ALK: variants seen among roughly 807,000 people sequenced by gnomAD.
The protein encoded by ALK is ALK tyrosine kinase receptor.
In ALK, 74 loss-of-function variants were observed where a neutral mutation model predicts 163.1. That is an observed-to-expected ratio of 0.45 (90% CI 0.38 to 0.55). The LOEUF is 0.55. ALK is among the 20% of genes least tolerant of loss of function. The probability of loss-of-function intolerance (pLI) is 0.00; values close to 1 mark genes in which losing one functional copy is unlikely to be tolerated. For missense variants in ALK, 2,063 were observed against 2,105.3 expected, an observed-to-expected ratio of 0.98 and a Z score of 0.39; for synonymous variants, 960 against 843.2, an observed-to-expected ratio of 1.14 and a Z score of -2.40.
At position 29,548,248 on chromosome 2, in the gene ALK, C is replaced by T. The variant is rs143893883; in HGVS notation, c.953-16132G>A. 9.5e-3 allele frequency among the ~76,000 whole-genome samples: 1,451 copies of T among 152,162 alleles called. 21 individuals carry two copies. Among genetic ancestry groups the T allele is most frequent in the African/African-American group, 0.033 (1,372 of 41,506 alleles). On this transcript the variant is annotated intron_variant, in intron 3 of 28. Transcript: ENST00000389048. ...CAGCACTTTGGGAGGCCAAGGCAGA[C>T]GGATCACGAGGTCAGGAGACTGGGA...
intron 4 of ALK, among the ~76,000 whole-genome samples, chr2:29,425,259 T>C (rs1453531961): frequency 1.3e-5 from 2 of 152,068 alleles, no homozygotes; most frequent in African/African-American, 4.8e-5. Flanking sequence ...CCCTCCCGGC[T>C]CAATATAATG....
intron 3 of ALK, among the ~76,000 whole-genome samples, chr2:29,687,237 C>T (rs1412950218): frequency 1.3e-5 from 2 of 151,896 alleles, no homozygotes; most frequent in Non-Finnish European, 2.9e-5. Flanking sequence ...GCCTGCTGCA[C>T]ACTTATTTTC....
intron 5 of ALK, among the ~76,000 whole-genome samples, chr2:29,381,374 T>C (rs1339430564): frequency 6.6e-6 from 1 of 152,270 alleles, no homozygotes; most frequent in East Asian, 1.9e-4. Flanking sequence ...TGTCACACAC[T>C]GTGATAAGTG....
intron 2 of ALK, among the ~76,000 whole-genome samples, chr2:29,716,027 G>A (rs960922318): frequency 5.3e-5 from 8 of 152,112 alleles, no homozygotes; most frequent in South Asian, 2.1e-4. Flanking sequence ...AACCAAGAGC[G>A]TTATAGATGA....
At chr2:29,886,930 G>C (rs1040093269) in intron 1 of ALK, among the ~76,000 whole-genome samples, 2 of 152,198 alleles carry the variant, frequency 1.3e-5, no homozygotes, top group East Asian at 3.9e-4. Flanking sequence ...AAGACTGAAT[G>C]AGGAACATTC....
chr2:29,531,138 C>G (rs1271764213), intron 4 of ALK, among the ~76,000 whole-genome samples: 6 of 152,200 alleles, frequency 3.9e-5, no homozygotes, highest in East Asian at 3.9e-4. Flanking sequence ...CTAAGCATAG[C>G]TAGACAGTTG....
intron 5 of ALK, among the ~76,000 whole-genome samples, chr2:29,348,787 A>G (rs1480285874): frequency 1.3e-5 from 2 of 152,222 alleles, no homozygotes; most frequent in Non-Finnish European, 2.9e-5. Flanking sequence ...TCTGCTATTT[A>G]CAGCTCCCAT....
At chr2:29,506,039 C>T (rs1008657024) in intron 4 of ALK, among the ~76,000 whole-genome samples, 6 of 152,186 alleles carry the variant, frequency 3.9e-5, no homozygotes, top group African/African-American at 1.4e-4. Context: ...CATCTCACCT[C>T]ACCCGATGAT....
chr2:29,677,892 C>T (rs1312891391), intron 3 of ALK, among the ~76,000 whole-genome samples: 1 of 151,964 alleles, frequency 6.6e-6, no homozygotes, highest in African/African-American at 2.4e-5. Context: ...GGTAGAATTC[C>T]CCAATGAAGG....
chr2:29,724,451 G>A (rs1679510704), intron 1 of ALK, among the ~76,000 whole-genome samples: 1 of 152,150 alleles, frequency 6.6e-6, no homozygotes, highest in Admixed American at 6.5e-5. Flanking sequence ...TTTGGGACTG[G>A]CAGCCCAGGG....
intron 3 of ALK, among the ~76,000 whole-genome samples, chr2:29,553,540 T>C (rs937043633): frequency 2.5e-4 from 38 of 152,234 alleles, no homozygotes; most frequent in African/African-American, 7.0e-4. Flanking sequence ...TGGAGTTACC[T>C]GTGTCTGTCT....
intron 11 of ALK, among the ~76,000 whole-genome samples, chr2:29,274,776 G>T (rs1353028828): frequency 6.6e-6 from 1 of 152,190 alleles, no homozygotes; most frequent in Non-Finnish European, 1.5e-5. Flanking sequence ...GCTTTGCTTT[G>T]TTCAGTAAGG....
At chr2:29,432,711 A>C (rs1670300374) in intron 4 of ALK, among the ~76,000 whole-genome samples, 1 of 151,454 alleles carries the variant, frequency 6.6e-6, no homozygotes, top group Non-Finnish European at 1.5e-5. Flanking sequence ...TGGATAACCC[A>C]ATGGTAAACT....
intron 1 of ALK, among the ~76,000 whole-genome samples, chr2:29,809,720 T>C (rs147954653): frequency 1.3e-5 from 2 of 152,340 alleles, no homozygotes; most frequent in East Asian, 3.9e-4. Flanking sequence ...ATGTGTCTTC[T>C]GCTGCTCTGT....
Position 29,645,634 on chromosome 2 carries a change from C to T in ALK, c.952+49216G>A, listed in dbSNP as rs1329728474. ...GGACCAGGGCCCAGCAATTCCTTCTCCAGCCAGGCTTTTTCCGCCATCCTG... is the reference window on the plus strand; with the variant it reads ...GGACCAGGGCCCAGCAATTCCTTCTTCAGCCAGGCTTTTTCCGCCATCCTG... On this transcript the variant is annotated intron_variant, in intron 3 of 28. Coordinates refer to ENST00000389048, the MANE Select transcript of ALK (RefSeq NM_004304.5). Among the ~76,000 whole-genome samples, 4 of 152,106 alleles carry T rather than the reference C, an allele frequency of 2.6e-5. No homozygotes were observed. The South Asian group carries it at 6.2e-4, about 24-fold the overall frequency.
At chr2:29,888,315 A>C (rs967763548) in intron 1 of ALK, among the ~76,000 whole-genome samples, 2 of 146,832 alleles carry the variant, frequency 1.4e-5, no homozygotes, top group Non-Finnish European at 3.0e-5. Context: ...AATTTTATTT[A>C]CTAACATTTA....
At chr2:29,291,050 C>T (rs926779443) in intron 9 of ALK, among the ~76,000 whole-genome samples, 4 of 152,154 alleles carry the variant, frequency 2.6e-5, no homozygotes, top group Admixed American at 2.6e-4. Flanking sequence ...TAACCAAGAA[C>T]CTAAATATTT....
intron 3 of ALK, among the ~76,000 whole-genome samples, chr2:29,670,179 T>A (rs1677639090): frequency 6.6e-6 from 1 of 152,144 alleles, no homozygotes; most frequent in Admixed American, 6.6e-5. Context: ...GAACTACCTT[T>A]AGCATTTCTT....
intron 1 of ALK, among the ~76,000 whole-genome samples, chr2:29,769,338 CT>C: frequency 6.6e-6 from 1 of 152,190 alleles, no homozygotes; most frequent in East Asian, 1.9e-4. Context: ...TCTAGGCTGA[CT>C]TTCACTTTTT....
Sources: gnomAD v4.1 joint callset for allele counts (sites outside exome capture counted in the v4.1 genomes callset) on GRCh38, gnomAD v4.1.1 for gene constraint, MANE v1.5 for transcripts, NCBI Gene and HGNC (gene_info 2026-07-23, HGNC 2026-07-21) for gene names.